TACC2: variants seen among roughly 807,000 people sequenced by gnomAD.
TACC2 encodes transforming acidic coiled-coil containing protein 2.
A neutral mutation model predicts 227.3 loss-of-function variants in TACC2; 137 were observed. The ratio of observed to expected loss-of-function variants is 0.60; its 90% CI spans 0.52 to 0.69. The LOEUF (loss-of-function observed/expected upper bound fraction) is 0.69. Ranked by LOEUF, TACC2 falls within the 30% of genes least tolerant of loss-of-function variation. TACC2 has a pLI of 0.00. For synonymous variants in TACC2, 1,523 were observed against 1,487.5 expected, an observed-to-expected ratio of 1.02 and a Z score of -0.55; for missense variants, 3,470 against 3,694.4, an observed-to-expected ratio of 0.94 and a Z score of 1.57.
intron 2 of TACC2, among the ~76,000 whole-genome samples, chr10:122,033,817 A>G (rs964748114): frequency 2.0e-5 from 3 of 152,056 alleles, no homozygotes; most frequent in Non-Finnish European, 2.9e-5. Flanking sequence ...TCCCCTTCAC[A>G]CCTGGCCAGG....
Position 122,249,219 on chromosome 10 carries a change from G to C in TACC2, c.8660+63G>C, listed in dbSNP as rs550523892. On this transcript the variant is annotated intron_variant, in intron 21 of 22. Transcript: ENST00000369005. ...CCCAGCAGCCCTTTTACCCAGGCAG[G>C]CTGGGACCTCTGGCAGCGCCTGTGA... 9.4e-6 allele frequency: 12 copies of C among 1,278,382 alleles called. 1 individual carries two copies. The South Asian group carries it at 1.5e-4, about 16-fold the overall frequency. The allele number at this position is 1,278,382 out of a possible 1,614,324, so 79.2% of individuals were successfully genotyped here.
intron 2 of TACC2, among the ~76,000 whole-genome samples, chr10:122,041,584 T>A (rs1254907051): frequency 6.6e-6 from 1 of 151,710 alleles, no homozygotes; most frequent in Non-Finnish European, 1.5e-5. Flanking sequence ...GTAGCTGGGA[T>A]TACAGGTGCA....
chr10:122,151,166 C>T (rs1022759735), intron 7 of TACC2, among the ~76,000 whole-genome samples: 10 of 152,182 alleles, frequency 6.6e-5, no homozygotes, highest in African/African-American at 2.4e-4. Context: ...CAGACAGAGA[C>T]AGCTGTTCTG....
chr10:122,190,550 C>T (rs1415461263), intron 7 of TACC2, among the ~76,000 whole-genome samples: 2 of 152,174 alleles, frequency 1.3e-5, no homozygotes, highest in Non-Finnish European at 1.5e-5. Flanking sequence ...CTTGGTTGTA[C>T]ACACCGCACT....
At chr10:122,148,129 G>A (rs1230536509) in intron 7 of TACC2, among the ~76,000 whole-genome samples, 1 of 139,312 alleles carries the variant, frequency 7.2e-6, no homozygotes, top group Non-Finnish European at 1.5e-5. Context: ...TTTAGGCAGA[G>A]TTTCGCTCTC....
intron 5 of TACC2, among the ~76,000 whole-genome samples, chr10:122,130,144 C>T (rs540227725): frequency 3.9e-5 from 6 of 152,280 alleles, no homozygotes; most frequent in South Asian, 2.1e-4. Flanking sequence ...TACAGGCACA[C>T]ACTACCATGC....
At chr10:122,107,001 A>T (rs912903923) in intron 5 of TACC2, among the ~76,000 whole-genome samples, 3 of 152,242 alleles carry the variant, frequency 2.0e-5, no homozygotes, top group South Asian at 2.1e-4. Context: ...CCTGATGGTC[A>T]GGAGCCATGC....
At chr10:122,119,250 G>C (rs559822930) in intron 5 of TACC2, among the ~76,000 whole-genome samples, 1 of 152,170 alleles carries the variant, frequency 6.6e-6, no homozygotes. Flanking sequence ...CATTTTACAG[G>C]TTCAGAAACT....
chr10:122,143,047 A>T (rs530003749), intron 6 of TACC2, among the ~76,000 whole-genome samples: 1 of 152,198 alleles, frequency 6.6e-6, no homozygotes, highest in East Asian at 1.9e-4. Flanking sequence ...TCTGAAACTC[A>T]TTCCTCCCCC....
rs779223549 is a variant in TACC2, at chr10:122,195,115, A to T, written c.5910A>T (p.Pro1970=). The change falls in exon 8 of 23, where the codon CCA becomes CCT. Residue 1970 remains proline, a synonymous_variant. Transcript: ENST00000369005. ...TPVKAPPAPP[P]PPPEVIPEPE... ...TCAAAGCTCCGCCAGCTCCACCCCC[A>T]CCACCCCCCGAAGTCATCCCAGAAC... 4 of 952,488 alleles carry T rather than the reference A, an allele frequency of 4.2e-6. No homozygotes were observed. Among genetic ancestry groups the T allele is most frequent in the Non-Finnish European group, 5.9e-6 (4 of 683,566 alleles). The allele number at this position is 952,488 out of a possible 1,614,324, so 59.0% of individuals were successfully genotyped here.
At chr10:122,076,847 G>T (rs1241374541) in intron 3 of TACC2, among the ~76,000 whole-genome samples, 1 of 152,098 alleles carries the variant, frequency 6.6e-6, no homozygotes, top group African/African-American at 2.4e-5. Flanking sequence ...GGGTGCGGTG[G>T]CTCATGTCTA....
At chr10:122,105,251 A>C (rs2137762482) in intron 5 of TACC2, among the ~76,000 whole-genome samples, 1 of 150,834 alleles carries the variant, frequency 6.6e-6, no homozygotes, top group South Asian at 2.1e-4. Flanking sequence ...GTGTCTGGGG[A>C]GTGTTTGGCC....
chr10:122,134,490 A>G (rs2089138322), intron 6 of TACC2, among the ~76,000 whole-genome samples: 1 of 152,140 alleles, frequency 6.6e-6, no homozygotes, highest in African/African-American at 2.4e-5. Context: ...AGTCAGCCAT[A>G]GTTTTTACTT....
intron 7 of TACC2, chr10:122,163,289 C>T (rs1253271298): frequency 1.3e-5 from 2 of 152,242 alleles, no homozygotes; most frequent in African/African-American, 2.4e-5. Context: ...AGACCATTTC[C>T]TCCTTCCTGG....
chr10:122,207,275 G>GAT (rs2095144493), intron 8 of TACC2, among the ~76,000 whole-genome samples: 1 of 151,322 alleles, frequency 6.6e-6, no homozygotes, highest in Non-Finnish European at 1.5e-5. Context: ...CTCCAGCCTG[G>GAT]GTGATGGAAT....
intron 7 of TACC2, among the ~76,000 whole-genome samples, chr10:122,148,486 G>A (rs193229876): frequency 2.6e-5 from 4 of 152,358 alleles, no homozygotes; most frequent in Admixed American, 2.6e-4. Context: ...GCCAGGCATC[G>A]CCTGTTGGAG....
intron 7 of TACC2, among the ~76,000 whole-genome samples, chr10:122,154,825 C>G (rs2092354889): frequency 6.6e-6 from 1 of 152,232 alleles, no homozygotes; most frequent in Admixed American, 6.5e-5. Context: ...CACGCTCATT[C>G]ACTTACTCTG....
intron 2 of TACC2, among the ~76,000 whole-genome samples, chr10:122,025,839 G>A (rs1241794684): frequency 6.6e-6 from 1 of 151,044 alleles, no homozygotes; most frequent in Admixed American, 6.6e-5. Flanking sequence ...TGCCCAAAGT[G>A]CTGGGATTAC....
intron 5 of TACC2, among the ~76,000 whole-genome samples, chr10:122,116,367 A>G (rs1469370934): frequency 3.3e-5 from 5 of 152,218 alleles, no homozygotes; most frequent in African/African-American, 1.2e-4. Flanking sequence ...GCTAATTGAG[A>G]TAAAGCAAAG....
Sources: gnomAD v4.1 joint callset for allele counts (sites outside exome capture counted in the v4.1 genomes callset) on GRCh38, gnomAD v4.1.1 for gene constraint, MANE v1.5 for transcripts, NCBI Gene and HGNC (gene_info 2026-07-23, HGNC 2026-07-21) for gene names.